Variants in STXBP5L observed in about 807,000 individuals in gnomAD.
STXBP5L encodes the protein syntaxin-binding protein 5-like.
In STXBP5L, 65 loss-of-function variants were observed where a neutral mutation model predicts 144.5. The ratio of observed to expected loss-of-function variants is 0.45; its 90% CI spans 0.37 to 0.55. STXBP5L has a LOEUF of 0.55. STXBP5L is among the 20% of genes least tolerant of loss of function. The probability of loss-of-function intolerance (pLI) is 0.00; values close to 1 mark genes in which losing one functional copy is unlikely to be tolerated. For synonymous variants in STXBP5L, 505 were observed against 469.6 expected (o/e 1.08, Z -0.97); for missense variants, 1,298 against 1,405.5 (o/e 0.92, Z 1.22).
In STXBP5L at chr3:121,052,749, A is replaced by C. The variant is rs551476478; in HGVS notation, c.470+7214A>C. On this transcript the variant is annotated intron_variant, in intron 5 of 26. Transcript: ENST00000471454. ...TAGTGTTGGAAGTTCTGGCCAGGGC[A>C]ATCAGGCAGGAGAAGGAAATAAAGG... Among the ~76,000 whole-genome samples, 4 of 152,070 alleles carry C rather than the reference A, an allele frequency of 2.6e-5. No individual in the cohort carries two copies. The South Asian group carries it at 8.3e-4, about 32-fold the overall frequency.
At chr3:120,996,272 A>C (rs1943339162) in intron 3 of STXBP5L, among the ~76,000 whole-genome samples, 2 of 151,990 alleles carry the variant, frequency 1.3e-5, no homozygotes, top group South Asian at 4.1e-4. Flanking sequence ...CAGATTTTTG[A>C]ATCTATAAGT....
chr3:121,137,355 T>C (rs191820396), intron 7 of STXBP5L, among the ~76,000 whole-genome samples: 1 of 152,222 alleles, frequency 6.6e-6, no homozygotes, highest in East Asian at 1.9e-4. Context: ...GAAAAAAAGT[T>C]ACATCTGATA....
intron 9 of STXBP5L, among the ~76,000 whole-genome samples, chr3:121,186,630 C>T (rs2047393812): frequency 6.6e-6 from 1 of 152,130 alleles, no homozygotes; most frequent in Non-Finnish European, 1.5e-5. Context: ...AGCCTTGCAT[C>T]CCAGGGATGA....
chr3:121,024,161 C>T (rs1391478631), intron 3 of STXBP5L, among the ~76,000 whole-genome samples: 1 of 152,066 alleles, frequency 6.6e-6, no homozygotes, highest in Non-Finnish European at 1.5e-5. Context: ...AAAATATTTG[C>T]AAAACATGTA....
intron 5 of STXBP5L, chr3:121,099,167 G>C (rs2043289302): frequency 6.6e-6 from 1 of 152,196 alleles, no homozygotes; most frequent in Non-Finnish European, 1.5e-5. Flanking sequence ...GCCTTTATGA[G>C]AAAAAGACAA....
intron 5 of STXBP5L, among the ~76,000 whole-genome samples, chr3:121,053,192 C>T (rs887177661): frequency 6.6e-6 from 1 of 152,076 alleles, no homozygotes; most frequent in Non-Finnish European, 1.5e-5. Context: ...GATTCAATGC[C>T]ATCCCCATCA....
chr3:120,959,044 A>T (rs1486374724), intron 3 of STXBP5L, among the ~76,000 whole-genome samples: 2 of 152,248 alleles, frequency 1.3e-5, no homozygotes, highest in Admixed American at 1.3e-4. Context: ...GCTGATAAGC[A>T]ACTTCAGCAA....
intron 2 of STXBP5L, among the ~76,000 whole-genome samples, chr3:120,916,004 T>C (rs1192882942): frequency 3.9e-5 from 6 of 152,134 alleles, no homozygotes; most frequent in Non-Finnish European, 8.8e-5. Flanking sequence ...CCTTTAAAAA[T>C]AATTAAGACA....
intron 5 of STXBP5L, among the ~76,000 whole-genome samples, chr3:121,094,719 C>T (rs972834645): frequency 3.5e-3 from 535 of 152,260 alleles, no homozygotes; most frequent in African/African-American, 0.012. Flanking sequence ...GTCTTGACTC[C>T]TTATCCAATT....
intron 20 of STXBP5L, among the ~76,000 whole-genome samples, chr3:121,320,466 A>G (rs1422470634): frequency 6.6e-6 from 1 of 152,056 alleles, no homozygotes. Context: ...TTCTCCTTCT[A>G]AAGGAAAAAA....
intron 7 of STXBP5L, among the ~76,000 whole-genome samples, chr3:121,141,766 G>A (rs188719975): frequency 6.6e-6 from 1 of 151,850 alleles, no homozygotes; most frequent in African/African-American, 2.4e-5. Flanking sequence ...GAATGCCTAA[G>A]AAGTTACACA....
At chr3:121,312,982 T>A (rs1317892479) in intron 19 of STXBP5L, among the ~76,000 whole-genome samples, 2 of 152,004 alleles carry the variant, frequency 1.3e-5, no homozygotes, top group Non-Finnish European at 2.9e-5. Context: ...TGGGCACACC[T>A]CCCAGACGGG....
intron 3 of STXBP5L, among the ~76,000 whole-genome samples, chr3:121,009,122 A>AT (rs1413041929): frequency 6.6e-6 from 1 of 151,936 alleles, no homozygotes; most frequent in African/African-American, 2.4e-5. Flanking sequence ...TCTGTTCCTC[A>AT]TTATGAAGGC....
At chr3:121,185,413 G>A (rs1462255365) in intron 9 of STXBP5L, among the ~76,000 whole-genome samples, 1 of 152,146 alleles carries the variant, frequency 6.6e-6, no homozygotes, top group South Asian at 2.1e-4. Context: ...TTTTCTTCTA[G>A]GGTTTTTATG....
chr3:121,300,199 T>A (rs1033425630), intron 19 of STXBP5L, among the ~76,000 whole-genome samples: 1 of 151,986 alleles, frequency 6.6e-6, no homozygotes, highest in East Asian at 1.9e-4. Context: ...AAAACAACTG[T>A]CAATCCAGAA....
intron 19 of STXBP5L, among the ~76,000 whole-genome samples, chr3:121,281,279 G>A (rs1438380761): frequency 2.0e-5 from 3 of 151,870 alleles, no homozygotes; most frequent in Non-Finnish European, 4.4e-5. Context: ...TTTAGTGAGG[G>A]ATCTCAACTT....
At chr3:121,052,768 A>T (rs970621613) in intron 5 of STXBP5L, among the ~76,000 whole-genome samples, 41 of 152,076 alleles carry the variant, frequency 2.7e-4, no homozygotes, top group African/African-American at 9.4e-4. Flanking sequence ...GGAGAAGGAA[A>T]TAAAGGGTAT....
intron 14 of STXBP5L, among the ~76,000 whole-genome samples, chr3:121,243,189 T>TA (rs2049726094): frequency 6.6e-6 from 1 of 152,200 alleles, no homozygotes; most frequent in African/African-American, 2.4e-5. Context: ...TGTCATCTGA[T>TA]AGAGATCTGG....
intron 5 of STXBP5L, among the ~76,000 whole-genome samples, chr3:121,086,043 C>A (rs1246091933): frequency 6.6e-6 from 1 of 152,038 alleles, no homozygotes; most frequent in African/African-American, 2.4e-5. Context: ...TTAGACAAAC[C>A]TAACAAAAGC....
Sources: gnomAD v4.1 joint callset for allele counts (sites outside exome capture counted in the v4.1 genomes callset) on GRCh38, gnomAD v4.1.1 for gene constraint, MANE v1.5 for transcripts, NCBI Gene and HGNC (gene_info 2026-07-23, HGNC 2026-07-21) for gene names.